LGALS8: variants seen among roughly 807,000 people sequenced by gnomAD.
LGALS8 encodes the protein galectin-8.
A neutral mutation model predicts 35.9 loss-of-function variants in LGALS8; 30 were observed. The observed-to-expected ratio is 0.83, with a 90% confidence interval of 0.62 to 1.13. The LOEUF (loss-of-function observed/expected upper bound fraction) is 1.13, where lower values mean the gene tolerates loss of function less well. LGALS8 is among the 50% of genes most tolerant of loss of function. The probability of loss-of-function intolerance (pLI) is 0.00; values close to 1 mark genes in which losing one functional copy is unlikely to be tolerated. For synonymous variants in LGALS8, 138 were observed against 136.1 expected, an observed-to-expected ratio of 1.01 and a Z score of -0.10; for missense variants, 366 against 388.7, an observed-to-expected ratio of 0.94 and a Z score of 0.49.
At position 236,552,277 on chromosome 1, in the gene LGALS8, T is replaced by C; in HGVS notation, c.*4116T>C. 2.0e-6 allele frequency: 1 copy of C among 496,760 alleles called. No individual in the cohort carries two copies. The highest frequency in any genetic ancestry group is 3.5e-6 in the Non-Finnish European group (1 of 282,434). 30.8% of individuals were successfully genotyped at this position (496,760 alleles called of 1,614,324 possible). Reference sequence around the variant, plus strand: ...CATCTTAGAATACCAGTTTCACCATTTGGGAGCTGTTTGTAATATGTGCAA... The same window carrying C: ...CATCTTAGAATACCAGTTTCACCATCTGGGAGCTGTTTGTAATATGTGCAA... On this transcript the variant is annotated 3_prime_UTR_variant, in exon 10 of 10. Coordinates refer to ENST00000366584, the MANE Select transcript of LGALS8 (RefSeq NM_201544.4).
rs1204502805 is a variant in LGALS8 at position 236,540,594 on chromosome 1, T to A, written c.376T>A (p.Tyr126Asn). The A allele has an allele frequency of 6.2e-7, 1 of 1,611,340 alleles. No individual in the cohort carries two copies. The highest frequency in any genetic ancestry group is 8.5e-7 in the Non-Finnish European group (1 of 1,178,826). Residue 126 changes from tyrosine (Y) to asparagine (N), a missense_variant, in exon 5 of 10, where the codon TAT becomes AAT. Transcript: ENST00000366584. ...TGTAAATGGAAAACATACTCTGCTC[T>A]ATGGCCACAGGATCGGCCCAGAGAA... ...VAVNGKHTLL[Y>N]GHRIGPEKID...
chr1:236,519,314 C>T (rs1294675605), upstream of LGALS8, among the ~76,000 whole-genome samples: 1 of 151,740 alleles, frequency 6.6e-6, no homozygotes, highest in African/African-American at 2.4e-5. Context: ...TCACTTGAGC[C>T]CAGGAGGTCA....
At chr1:236,545,203 A>ACTG (rs1467037049) in intron 9 of LGALS8, 2 of 232,816 alleles carry the variant, frequency 8.6e-6, no homozygotes, top group African/African-American at 2.2e-5. Context: ...TTGTCTCAGG[A>ACTG]CTGGAGTCAC....
At chr1:236,541,268 TTAAG>T (rs1265373663) in intron 5 of LGALS8, 1 of 179,490 alleles carries the variant, frequency 5.6e-6, no homozygotes, top group African/African-American at 2.4e-5. Context: ...TCTAAGGTTG[TTAAG>T]TAATATTCTG....
chr1:236,519,452 T>C (rs1660493064), upstream of LGALS8, among the ~76,000 whole-genome samples: 1 of 152,156 alleles, frequency 6.6e-6, no homozygotes. Flanking sequence ...ATGTGGCTTC[T>C]TGGGCAAGGA....
Position 236,552,196 on chromosome 1 carries a change from C to T in LGALS8, c.*4035C>T, listed in dbSNP as rs1459873166. The T allele has an allele frequency of 1.2e-6, 1 of 813,538 alleles. No individual in the cohort carries two copies. The allele number at this position is 813,538 out of a possible 1,614,324, so 50.4% of individuals were successfully genotyped here. A position where few individuals can be genotyped will look rare whatever the true frequency, so the allele number is the denominator to read the frequency against. Reference sequence around the variant, plus strand: ...TGTACTGACTTGAGACAAGCTCTAACTTTTTAAACATTAGTTCACATGCGT... The same window carrying T: ...TGTACTGACTTGAGACAAGCTCTAATTTTTTAAACATTAGTTCACATGCGT... On this transcript the variant is annotated 3_prime_UTR_variant, in exon 10 of 10. Coordinates refer to ENST00000366584, the MANE Select transcript of LGALS8 (RefSeq NM_201544.4).
chr1:236,527,711 CTTATT>C (rs998359519), intron 2 of LGALS8, among the ~76,000 whole-genome samples: 76 of 151,146 alleles, frequency 5.0e-4, no homozygotes, highest in African/African-American at 1.6e-3. Flanking sequence ...CTGTAAATAA[CTTATT>C]TTATTTATTC....
chr1:236,549,159 CCAAT>C lies in LGALS8; in HGVS notation c.*1002_*1005del. ...AATCTGTTTTGTTCCCATGAAATCA[CCAAT>C]CAAGGCCTCCGTTCTTCTAAAGATT... On this transcript the variant is annotated 3_prime_UTR_variant, in exon 10 of 10. Coordinates refer to ENST00000366584, the MANE Select transcript of LGALS8 (RefSeq NM_201544.4). 2.5e-6 allele frequency: 1 copy of C among 395,634 alleles called. No homozygotes were observed. 24.5% of individuals were successfully genotyped at this position (395,634 alleles called of 1,614,324 possible).
rs10158194 is a variant in LGALS8, at chr1:236,551,146, C to G, written c.*2985C>G. ...TAACAAAGCAGGAGGCGCCACGGAC[C>G]GCCTCCCTCCACACCGCTCCTTCCG... On this transcript the variant is annotated 3_prime_UTR_variant, in exon 10 of 10. Transcript: ENST00000366584. 3.3e-6 allele frequency: 2 copies of G among 604,684 alleles called. No homozygotes were observed. Among genetic ancestry groups the G allele is most frequent in the African/African-American group, 3.7e-5 (2 of 53,648 alleles). 37.5% of individuals were successfully genotyped at this position (604,684 alleles called of 1,614,324 possible).
Position 236,537,671 on chromosome 1 carries a change from C to T in LGALS8, c.134+86C>T, listed in dbSNP as rs181829143. On this transcript the variant is annotated intron_variant, in intron 3 of 9. Transcript: ENST00000366584. ...GATAACAGAGTAAGGCGGGAGAGAC[C>T]ATTTGATACTTTGAGGCCCAATTAG... 77 of 994,852 alleles carry T rather than the reference C, an allele frequency of 7.7e-5. No homozygotes were observed. The Middle Eastern group carries it at 8.1e-4, about 10-fold the overall frequency. 61.6% of individuals were successfully genotyped at this position (994,852 alleles called of 1,614,324 possible).
chr1:236,540,011 G>A (rs1044522728), intron 4 of LGALS8: 2 of 152,262 alleles, frequency 1.3e-5, no homozygotes, highest in Non-Finnish European at 2.9e-5. Flanking sequence ...AGGACCTGCA[G>A]AAGCTACTTT....
At chr1:236,524,741 G>A in intron 1 of LGALS8, 1 of 243,032 alleles carries the variant, frequency 4.1e-6, no homozygotes, top group East Asian at 1.0e-4. Context: ...TTATACATGT[G>A]TATGGCAACT....
upstream of LGALS8, among the ~76,000 whole-genome samples, chr1:236,519,390 CAA>C (rs777309791): frequency 2.5e-5 from 3 of 120,402 alleles, no homozygotes; most frequent in Admixed American, 8.5e-5. Flanking sequence ...GACTCTGTCT[CAA>C]AAAAAAAAAA....
intron 7 of LGALS8, chr1:236,543,038 A>G: frequency 6.2e-7 from 1 of 1,613,908 alleles, no homozygotes; most frequent in South Asian, 1.1e-5. Context: ...CTATGTGTCA[A>G]AGGTTTGAAG....
At chr1:236,541,842 G>C in intron 6 of LGALS8, 132 bp downstream of exon 6, 1 of 558,558 alleles carries the variant, frequency 1.8e-6, no homozygotes, top group East Asian at 3.2e-5. Context: ...TGAAAATTGA[G>C]ATACATACTT....
chr1:236,524,041 G>C lies in LGALS8; in HGVS notation c.-124G>C, dbSNP rs1046254760. ...TGACAAACAACCTGCTCCGTGGAGC[G>C]CCTGAAACACCAGTCTTTGGGTGAG... On this transcript the variant is annotated 5_prime_UTR_variant, in exon 1 of 10. Coordinates refer to ENST00000366584, the MANE Select transcript of LGALS8 (RefSeq NM_201544.4). 3 of 449,072 alleles carry C rather than the reference G, an allele frequency of 6.7e-6. No homozygotes were observed. Among genetic ancestry groups the C allele is most frequent in the Admixed American group, 4.8e-5 (2 of 41,826 alleles). The allele number at this position is 449,072 out of a possible 1,614,324, so 27.8% of individuals were successfully genotyped here.
At position 236,548,928 on chromosome 1, in the gene LGALS8, T is replaced by TTCTG. The variant is rs1372296759; in HGVS notation, c.*769_*772dup. ...TGATGCCAAGCCCAAGGCAGCTGATTTCTGTGTATTTGAACTTAGGGCAAA... is the reference window on the plus strand; with the variant it reads ...TGATGCCAAGCCCAAGGCAGCTGATTTCTGTCTGTGTATTTGAACTTAGGGCAAA... On this transcript the variant is annotated 3_prime_UTR_variant, in exon 10 of 10. Coordinates refer to ENST00000366584, the MANE Select transcript of LGALS8 (RefSeq NM_201544.4). 1 of 398,522 alleles carries TTCTG rather than the reference T, an allele frequency of 2.5e-6. No homozygotes were observed. Among genetic ancestry groups the TTCTG allele is most frequent in the Non-Finnish European group, 4.4e-6 (1 of 226,066 alleles). 24.7% of individuals were successfully genotyped at this position (398,522 alleles called of 1,614,324 possible).
intron 7 of LGALS8, chr1:236,542,997 CTT>C (rs778869029): frequency 3.1e-6 from 5 of 1,614,190 alleles, no homozygotes; most frequent in Non-Finnish European, 4.2e-6. Context: ...GTCAATCACA[CTT>C]TGACTTGCAC....
chr1:236,524,406 C>G, intron 1 of LGALS8: 1 of 456,730 alleles, frequency 2.2e-6, no homozygotes, highest in South Asian at 1.5e-5. Context: ...TCACCTGTTC[C>G]CTCCTAGCCT....
Sources: allele counts gnomAD v4.1 joint callset (sites outside exome capture counted in the v4.1 genomes callset), GRCh38; gene constraint gnomAD v4.1.1; transcripts MANE v1.5; gene names NCBI Gene and HGNC (gene_info 2026-07-23, HGNC 2026-07-21).